Variants in OSBPL8 observed in about 807,000 individuals in gnomAD.
OSBPL8 encodes the protein oxysterol binding protein like 8, also known as oxysterol-binding protein-related protein 8.
OSBPL8 carries 59 observed loss-of-function variants against 125.5 expected under a neutral mutation model. That is an observed-to-expected ratio of 0.47 (90% CI 0.38 to 0.58). OSBPL8 has a LOEUF of 0.58. OSBPL8 is among the 20% of genes least tolerant of loss of function. The pLI is 0.00. For missense variants in OSBPL8, 758 were observed against 1,047.8 expected, an observed-to-expected ratio of 0.72 and a Z score of 3.82; for synonymous variants, 330 against 338.9, an observed-to-expected ratio of 0.97 and a Z score of 0.29.
At chr12:76,467,226 C>T (rs1373450499) in intron 2 of OSBPL8, among the ~76,000 whole-genome samples, 1 of 152,148 alleles carries the variant, frequency 6.6e-6, no homozygotes, top group East Asian at 1.9e-4. Context: ...CATTGTCCTC[C>T]CATTCAGCAA....
intron 1 of OSBPL8, among the ~76,000 whole-genome samples, chr12:76,523,264 G>A (rs922988647): frequency 5.3e-5 from 8 of 152,162 alleles, no homozygotes; most frequent in Admixed American, 4.6e-4. Context: ...TTAAAGGAGA[G>A]TAGGGAAGGA....
chr12:76,494,160 A>T (rs1441086739), intron 1 of OSBPL8, among the ~76,000 whole-genome samples: 2 of 152,046 alleles, frequency 1.3e-5, no homozygotes, highest in African/African-American at 4.8e-5. Flanking sequence ...GGGAGGGTTG[A>T]TTATTGGAAA....
In OSBPL8 at chr12:76,491,571, T is replaced by TA. The variant is rs139435454; in HGVS notation, c.-67-3954dup. Among the ~76,000 whole-genome samples the TA allele has an allele frequency of 6.5e-3, 997 of 152,286 alleles. 6 individuals are homozygous for TA. Among genetic ancestry groups the TA allele is most frequent in the Middle Eastern group, 0.037 (11 of 294 alleles). ...ACTCTGACTTTCAATTTAGAAACAT[T>TA]ATATAAACTTTCCTTGACTACATGT... On this transcript the variant is annotated intron_variant, in intron 1 of 23. Coordinates refer to ENST00000261183, the MANE Select transcript of OSBPL8 (RefSeq NM_020841.5).
At chr12:76,521,064 T>C (rs1053294418) in intron 1 of OSBPL8, among the ~76,000 whole-genome samples, 1 of 152,226 alleles carries the variant, frequency 6.6e-6, no homozygotes, top group African/African-American at 2.4e-5. Context: ...AGCCATTTTC[T>C]TCCTAAAAGC....
chr12:76,421,047 GTACC>G (rs1414263741), intron 4 of OSBPL8, among the ~76,000 whole-genome samples: 2 of 151,872 alleles, frequency 1.3e-5, no homozygotes, highest in Admixed American at 6.6e-5. Context: ...AATTAAATAA[GTACC>G]AAACTTAAAA....
intron 22 of OSBPL8, among the ~76,000 whole-genome samples, chr12:76,357,169 G>A (rs1952018657): frequency 6.6e-6 from 1 of 152,156 alleles, no homozygotes; most frequent in East Asian, 1.9e-4. Context: ...CAATCAGCAA[G>A]CTGTACATGT....
At chr12:76,397,243 G>A (rs963161651) in intron 8 of OSBPL8, among the ~76,000 whole-genome samples, 24 of 150,172 alleles carry the variant, frequency 1.6e-4, no homozygotes, top group Non-Finnish European at 3.3e-4. Flanking sequence ...TCTGCTTATA[G>A]GCTTTACATC....
intron 1 of OSBPL8, among the ~76,000 whole-genome samples, chr12:76,540,683 TA>T (rs879331519): frequency 0.012 from 1,656 of 142,992 alleles, 37 homozygotes; most frequent in African/African-American, 0.039. Context: ...ATTTTTTCTT[TA>T]AAAAAAAAAA....
intron 1 of OSBPL8, among the ~76,000 whole-genome samples, chr12:76,501,746 T>C (rs1879923263): frequency 6.6e-6 from 1 of 152,168 alleles, no homozygotes; most frequent in Admixed American, 6.5e-5. Context: ...GCGGTAGAGA[T>C]CAACACCAAG....
In OSBPL8 at chr12:76,462,273, CT is replaced by C. The variant is rs373099901; in HGVS notation, c.43-2379del. Among the ~76,000 whole-genome samples, 936 of 152,274 alleles carry C rather than the reference CT, an allele frequency of 6.1e-3. 5 individuals carry two copies. The highest frequency in any genetic ancestry group is 0.01 in the Middle Eastern group (3 of 294). ...AACTGCTATACAGCTGTACTCCTTACTTTTTTACTCCCAGAAAATAATCCTT... is the reference window on the plus strand; with the variant it reads ...AACTGCTATACAGCTGTACTCCTTACTTTTTACTCCCAGAAAATAATCCTT... On this transcript the variant is annotated intron_variant, in intron 2 of 23. Coordinates refer to ENST00000261183, the MANE Select transcript of OSBPL8 (RefSeq NM_020841.5).
chr12:76,488,327 T>G, intron 1 of OSBPL8, among the ~76,000 whole-genome samples: 1 of 152,174 alleles, frequency 6.6e-6, no homozygotes, highest in Non-Finnish European at 1.5e-5. Flanking sequence ...ACATTTTATA[T>G]ATATAAGATA....
At chr12:76,370,200 C>T (rs976649317) in intron 19 of OSBPL8, among the ~76,000 whole-genome samples, 2 of 152,098 alleles carry the variant, frequency 1.3e-5, no homozygotes, top group African/African-American at 2.4e-5. Context: ...GATTCACTGG[C>T]TTCATAAAGA....
At chr12:76,407,261 T>G (rs1282978304) in intron 5 of OSBPL8, among the ~76,000 whole-genome samples, 1 of 152,122 alleles carries the variant, frequency 6.6e-6, no homozygotes, top group Non-Finnish European at 1.5e-5. Context: ...TACACAAATT[T>G]ATATATTTGA....
At chr12:76,368,432 T>C (rs1432146959) in intron 21 of OSBPL8, among the ~76,000 whole-genome samples, 1 of 150,606 alleles carries the variant, frequency 6.6e-6, no homozygotes, top group African/African-American at 2.4e-5. Flanking sequence ...TAGATTTATA[T>C]CTTCCACCAA....
intron 2 of OSBPL8, among the ~76,000 whole-genome samples, chr12:76,460,495 CAAA>C (rs912554875): frequency 1.2e-4 from 8 of 69,348 alleles, no homozygotes; most frequent in Non-Finnish European, 1.4e-4. Flanking sequence ...TCTCAATTGG[CAAA>C]AAAAAAAAAA....
intron 7 of OSBPL8, among the ~76,000 whole-genome samples, chr12:76,398,875 G>A (rs1408163613): frequency 1.3e-5 from 2 of 152,094 alleles, no homozygotes; most frequent in Admixed American, 6.6e-5. Flanking sequence ...AAGGGAGATA[G>A]GTACCCTGAA....
At chr12:76,451,631 T>C (rs1873426079) in intron 3 of OSBPL8, among the ~76,000 whole-genome samples, 1 of 152,124 alleles carries the variant, frequency 6.6e-6, no homozygotes, top group Non-Finnish European at 1.5e-5. Flanking sequence ...CAATAAACAA[T>C]TTAAGTAGTG....
At chr12:76,356,162 T>TGGGGGGGGGTTTGTGGGGGG in intron 23 of OSBPL8, 141 bp from the exon 24 acceptor site, 2 of 136,872 alleles carry the variant, frequency 1.5e-5, no homozygotes, top group South Asian at 1.1e-4. Context: ...TATGTAGGGG[T>TGGGGGGGGGTTTGTGGGGGG]GGGGGGGGGC....
intron 1 of OSBPL8, among the ~76,000 whole-genome samples, chr12:76,558,929 G>A (rs1157344154): frequency 1.3e-5 from 2 of 152,194 alleles, no homozygotes; most frequent in Non-Finnish European, 2.9e-5. Flanking sequence ...GAACAACACC[G>A]TGTCGCTTGG....
Sources: allele counts gnomAD v4.1 joint callset (sites outside exome capture counted in the v4.1 genomes callset), GRCh38; gene constraint gnomAD v4.1.1; transcripts MANE v1.5; gene names NCBI Gene and HGNC (gene_info 2026-07-23, HGNC 2026-07-21).